Variants in FOCAD observed in about 807,000 individuals in gnomAD.
The protein encoded by FOCAD is focadhesin.
In FOCAD, 198 loss-of-function variants were observed where a neutral mutation model predicts 225.6. That is an observed-to-expected ratio of 0.88 (90% CI 0.78 to 0.99). The LOEUF (loss-of-function observed/expected upper bound fraction) is 0.99, where lower values mean the gene tolerates loss of function less well. FOCAD is among the 50% of genes least tolerant of loss of function. The pLI, the probability that FOCAD is intolerant of heterozygous loss-of-function variation, is 0.00. For missense variants in FOCAD, 2,713 were observed against 2,123.6 expected (o/e 1.28, Z -5.46); for synonymous variants, 897 against 755.0 (o/e 1.19, Z -3.08).
At chr9:20,903,382 T>C (rs1832706662) in intron 21 of FOCAD, among the ~76,000 whole-genome samples, 2 of 152,002 alleles carry the variant, frequency 1.3e-5, no homozygotes, top group Non-Finnish European at 2.9e-5. Flanking sequence ...ATCTCTTTCC[T>C]GGATTGTTGA....
At chr9:20,805,601 C>T (rs187778715) in intron 11 of FOCAD, among the ~76,000 whole-genome samples, 241 of 152,124 alleles carry the variant, frequency 1.6e-3, no homozygotes, top group Non-Finnish European at 2.3e-3. Context: ...TCCCCCATTT[C>T]TTCTAAAGCT....
intron 1 of FOCAD, among the ~76,000 whole-genome samples, chr9:20,707,434 G>A (rs1313374961): frequency 6.6e-6 from 1 of 152,114 alleles, no homozygotes; most frequent in East Asian, 1.9e-4. Flanking sequence ...GTCTTGGGGT[G>A]CCAATCCCTC....
chr9:20,986,266 A>ATTTTGTTTTTTTTTTTTTTT, intron 39 of FOCAD, 22 bp from the exon 40 acceptor site: 1 of 705,686 alleles, frequency 1.4e-6, no homozygotes, highest in Non-Finnish European at 1.8e-6. Context: ...TAACTAAACA[A>ATTTTGTTTTTTTTTTTTTTT]TTTTTTTTTT....
Position 20,913,019 on chromosome 9 carries a change from C to A in FOCAD, c.2807+65C>A. 3.0e-6 allele frequency: 4 copies of A among 1,346,956 alleles called. No individual in the cohort carries two copies. The South Asian group carries it at 4.9e-5, about 16-fold the overall frequency. The allele number at this position is 1,346,956 out of a possible 1,614,324, so 83.4% of individuals were successfully genotyped here. A position where few individuals can be genotyped will look rare whatever the true frequency, so the allele number is the denominator to read the frequency against. On this transcript the variant is annotated intron_variant, in intron 23 of 43. Transcript: ENST00000338382. ...AAGTGAGCTATGAGGGGAAAGGTAACTACTTTAAAGGCTTTAAGATTAGCA... is the reference window on the plus strand; with the variant it reads ...AAGTGAGCTATGAGGGGAAAGGTAAATACTTTAAAGGCTTTAAGATTAGCA...
At chr9:20,663,514 C>G (rs1286688688) in intron 2 of FOCAD, among the ~76,000 whole-genome samples, 1 of 149,728 alleles carries the variant, frequency 6.7e-6, no homozygotes, top group Admixed American at 6.6e-5. Context: ...CACATACACA[C>G]AGTTTATGAC....
rs749860355 is a variant in FOCAD, at chr9:20,710,229, A to ATTTTTT, written c.-32-5075_-32-5070dup. ...CTGTACTTGGATCCCAGTAGCTGAGATTTTTTTTTTTTTTTTTTTTTTTGC... is the reference window on the plus strand; with the variant it reads ...CTGTACTTGGATCCCAGTAGCTGAGATTTTTTTTTTTTTTTTTTTTTTTTTTTTTGC... On this transcript the variant is annotated intron_variant, in intron 1 of 43. Transcript: ENST00000338382. Among the ~76,000 whole-genome samples the ATTTTTT allele has an allele frequency of 4.3e-4, 44 of 102,244 alleles. 1 individual carries two copies. Among genetic ancestry groups the ATTTTTT allele is most frequent in the Non-Finnish European group, 6.3e-4 (33 of 52,326 alleles). The allele number at this position is 102,244 out of a possible 152,430, so 67.1% of individuals were successfully genotyped here.
At chr9:20,946,639 TA>T in intron 29 of FOCAD, 61 bp from the exon 30 acceptor site, 1 of 1,554,522 alleles carries the variant, frequency 6.4e-7, no homozygotes, top group Non-Finnish European at 8.7e-7. Context: ...TCTTGTCAAC[TA>T]AACCGAGTTC....
At chr9:20,658,750 C>T in exon 2 of FOCAD, 1 of 159,702 alleles carries the variant, frequency 6.3e-6, no homozygotes, top group Non-Finnish European at 1.4e-5. Flanking sequence ...CCATCGCTCA[C>T]GCTGGGAGCT....
chr9:20,945,943 A>G (rs1253100255), intron 29 of FOCAD, among the ~76,000 whole-genome samples: 1 of 152,152 alleles, frequency 6.6e-6, no homozygotes, highest in Non-Finnish European at 1.5e-5. Context: ...GGGATGACTA[A>G]ATTTGATGTG....
At chr9:20,970,555 T>C (rs1839677441) in intron 35 of FOCAD, among the ~76,000 whole-genome samples, 1 of 152,050 alleles carries the variant, frequency 6.6e-6, no homozygotes, top group Non-Finnish European at 1.5e-5. Flanking sequence ...GAACTCTTTT[T>C]GATATTCTCT....
intron 23 of FOCAD, among the ~76,000 whole-genome samples, chr9:20,916,148 C>A (rs1015790232): frequency 4.2e-4 from 64 of 152,148 alleles, no homozygotes; most frequent in African/African-American, 1.5e-3. Flanking sequence ...ACAACTTTAA[C>A]AATATTTATA....
At chr9:20,849,699 A>T (rs1433278580) in intron 15 of FOCAD, among the ~76,000 whole-genome samples, 1 of 151,930 alleles carries the variant, frequency 6.6e-6, no homozygotes, top group Non-Finnish European at 1.5e-5. Context: ...TTTCTAAGGG[A>T]TAGGCAGCCA....
At chr9:20,743,622 C>T (rs1483741353) in intron 5 of FOCAD, among the ~76,000 whole-genome samples, 1 of 152,158 alleles carries the variant, frequency 6.6e-6, no homozygotes, top group Non-Finnish European at 1.5e-5. Flanking sequence ...TAGTGGTTCT[C>T]AAACTTGTCT....
chr9:20,827,161 C>T (rs1437347589), intron 15 of FOCAD, among the ~76,000 whole-genome samples: 1 of 151,932 alleles, frequency 6.6e-6, no homozygotes, highest in Non-Finnish European at 1.5e-5. Context: ...TTTTAACTCC[C>T]CACAAAACTC....
intron 4 of FOCAD, among the ~76,000 whole-genome samples, chr9:20,727,984 G>C (rs1021092091): frequency 6.6e-6 from 1 of 152,142 alleles, no homozygotes; most frequent in Non-Finnish European, 1.5e-5. Flanking sequence ...CCCAGCATAC[G>C]TGAGCAGTGT....
intron 16 of FOCAD, 59 bp from the exon 17 acceptor site, chr9:20,865,867 T>C: frequency 1.6e-6 from 2 of 1,256,018 alleles, no homozygotes; most frequent in Non-Finnish European, 2.3e-6. Flanking sequence ...CTTTGGATTA[T>C]TTAGTCTCAG....
intron 22 of FOCAD, among the ~76,000 whole-genome samples, chr9:20,910,850 G>C (rs1392386305): frequency 6.6e-6 from 1 of 152,072 alleles, no homozygotes; most frequent in Non-Finnish European, 1.5e-5. Flanking sequence ...AAAGAGGATA[G>C]AAAAGAACAG....
At chr9:20,696,739 A>G (rs1193060937) in intron 1 of FOCAD, among the ~76,000 whole-genome samples, 1 of 152,186 alleles carries the variant, frequency 6.6e-6, no homozygotes, top group Non-Finnish European at 1.5e-5. Context: ...CAGGAGATGT[A>G]GGTTGTAGTG....
At chr9:20,716,377 CTATTTGAATTCTGT>C (rs1240326001) in intron 2 of FOCAD, among the ~76,000 whole-genome samples, 2 of 151,782 alleles carry the variant, frequency 1.3e-5, no homozygotes, top group African/African-American at 4.8e-5. Context: ...TGTAGGATGG[CTATTTGAATTCTGT>C]TATAGAACAC....
Sources: allele counts gnomAD v4.1 joint callset (sites outside exome capture counted in the v4.1 genomes callset), GRCh38; gene constraint gnomAD v4.1.1; transcripts MANE v1.5; gene names NCBI Gene and HGNC (gene_info 2026-07-23, HGNC 2026-07-21).